Variants in DIPK1A observed in about 807,000 individuals in gnomAD.
DIPK1A encodes divergent protein kinase domain 1A.
A neutral mutation model predicts 40.8 loss-of-function variants in DIPK1A; 27 were observed. That is an observed-to-expected ratio of 0.66 (90% CI 0.49 to 0.91). The LOEUF (loss-of-function observed/expected upper bound fraction) is 0.91, where lower values mean the gene tolerates loss of function less well. DIPK1A is among the 40% of genes least tolerant of loss of function. The probability of loss-of-function intolerance (pLI) is 0.00; values close to 1 mark genes in which losing one functional copy is unlikely to be tolerated. For missense variants in DIPK1A, 412 were observed against 505.7 expected (o/e 0.81, Z 1.78); for synonymous variants, 166 against 171.3 (o/e 0.97, Z 0.24).
chr1:92,864,268 A>C (rs144251043), intron 2 of DIPK1A, among the ~76,000 whole-genome samples: 1 of 152,304 alleles, frequency 6.6e-6, no homozygotes, highest in East Asian at 1.9e-4. Flanking sequence ...AAATATCTTA[A>C]ATTTAGTATA....
intron 4 of DIPK1A, among the ~76,000 whole-genome samples, chr1:92,845,111 A>AT (rs1346643389): frequency 5.3e-4 from 80 of 149,674 alleles, no homozygotes; most frequent in Non-Finnish European, 9.4e-4. Context: ...CGCCCAGCTA[A>AT]TTTTTTTTTG....
chr1:92,836,207 C>T (rs1225844208), intron 4 of DIPK1A: 1 of 1,612,434 alleles, frequency 6.2e-7, no homozygotes, highest in Admixed American at 1.7e-5. Flanking sequence ...ATAGGTTTGG[C>T]ATGGACAAGA....
At chr1:92,874,035 T>G (rs995294710) in intron 2 of DIPK1A, among the ~76,000 whole-genome samples, 4 of 152,214 alleles carry the variant, frequency 2.6e-5, no homozygotes, top group African/African-American at 9.6e-5. Flanking sequence ...ATAACTATAA[T>G]TTTTTAAAAG....
chr1:92,850,979 T>C (rs1479298013), intron 2 of DIPK1A, 24 bp from the exon 3 acceptor site: 2 of 1,402,184 alleles, frequency 1.4e-6, no homozygotes, highest in Admixed American at 2.1e-5. Flanking sequence ...AATAAAAAAG[T>C]AGTTAATAGA....
chr1:92,911,373 G>A (rs1649818593), intron 1 of DIPK1A, among the ~76,000 whole-genome samples: 1 of 152,128 alleles, frequency 6.6e-6, no homozygotes, highest in South Asian at 2.1e-4. Flanking sequence ...GAATCTGCAG[G>A]TACCTTGTTC....
chr1:92,900,000 A>C (rs1649341110), intron 1 of DIPK1A, among the ~76,000 whole-genome samples: 1 of 151,992 alleles, frequency 6.6e-6, no homozygotes, highest in Non-Finnish European at 1.5e-5. Flanking sequence ...TGTTAGTCTA[A>C]TGAGGGTTCA....
rs1358758799 is a variant in DIPK1A, at chr1:92,951,556, A to AG, written c.54+9819dup. Reference sequence around the variant, plus strand: ...TCTAAGTTAACAAAACTCTGAGATCAGGGTACAAACAAATGGGCGTTGTTT... The same window carrying AG: ...TCTAAGTTAACAAAACTCTGAGATCAGGGGTACAAACAAATGGGCGTTGTTT... On this transcript the variant is annotated intron_variant, in intron 1 of 4. Transcript: ENST00000370310. Among the ~76,000 whole-genome samples the AG allele has an allele frequency of 3.9e-5, 6 of 152,326 alleles. No homozygotes were observed. The South Asian group carries it at 1.0e-3, about 26-fold the overall frequency.
intron 1 of DIPK1A, among the ~76,000 whole-genome samples, chr1:92,954,774 T>C (rs138367067): frequency 8.7e-4 from 132 of 152,024 alleles, no homozygotes; most frequent in Admixed American, 1.6e-3. Context: ...ATAAAAACAA[T>C]AAAATGTACC....
intron 1 of DIPK1A, among the ~76,000 whole-genome samples, chr1:92,921,459 C>T (rs987556051): frequency 3.3e-5 from 5 of 152,104 alleles, no homozygotes; most frequent in South Asian, 2.1e-4. Context: ...TATAAGGTAG[C>T]ATATATAGGC....
chr1:92,833,118 A>C (rs763520381), intron 4 of DIPK1A: 20 of 688,442 alleles, frequency 2.9e-5, no homozygotes, highest in Non-Finnish European at 4.8e-5. Context: ...GTTAAATGTA[A>C]TAAATTGGGG....
chr1:92,872,067 ATCTTTTTTT>A (rs1647892069), intron 2 of DIPK1A, among the ~76,000 whole-genome samples: 1 of 101,292 alleles, frequency 9.9e-6, no homozygotes, highest in Non-Finnish European at 2.1e-5. Flanking sequence ...TTTTCTTTAA[ATCTTTTTTT>A]TTTTTTTTTT....
Position 92,845,728 on chromosome 1 carries a change from C to T in DIPK1A, c.474+1455G>A, listed in dbSNP as rs563626912. 1.1e-3 allele frequency among the ~76,000 whole-genome samples: 163 copies of T among 151,456 alleles called. 1 individual carries two copies. Among genetic ancestry groups the T allele is most frequent in the African/African-American group, 3.6e-3 (148 of 41,230 alleles). ...GCGGGTGCCTGTAATCCCAGCTACT[C>T]GGGAGGCTGAGGCAGGAGAACTGCT... is the stretch of plus-strand genomic sequence containing the variant. On this transcript the variant is annotated intron_variant, in intron 4 of 4. Transcript: ENST00000370310.
chr1:92,866,128 G>A (rs1227937875), intron 2 of DIPK1A, among the ~76,000 whole-genome samples: 1 of 152,154 alleles, frequency 6.6e-6, no homozygotes, highest in Non-Finnish European at 1.5e-5. Context: ...TTGAGACAGA[G>A]TCTCTCACTG....
chr1:92,953,292 C>A (rs1045332932), intron 1 of DIPK1A, among the ~76,000 whole-genome samples: 6 of 149,132 alleles, frequency 4.0e-5, no homozygotes, highest in African/African-American at 1.5e-4. Flanking sequence ...AAATTGAAAC[C>A]CTTGTGTATT....
chr1:92,959,903 C>CTTTTTTTTTTTCTTTTTTTTTTTT (rs1651999473), intron 1 of DIPK1A, among the ~76,000 whole-genome samples: 1 of 47,892 alleles, frequency 2.1e-5, no homozygotes, highest in African/African-American at 1.1e-4. Flanking sequence ...ACCCAACCAA[C>CTTTTTTTTTTTCTTTTTTTTTTTT]TTTTTTTTTT....
chr1:92,916,958 C>T (rs538089299), intron 1 of DIPK1A, among the ~76,000 whole-genome samples: 52 of 152,276 alleles, frequency 3.4e-4, no homozygotes, highest in African/African-American at 1.2e-3. Context: ...TTCCAATACA[C>T]TAGAACAGCT....
intron 1 of DIPK1A, among the ~76,000 whole-genome samples, chr1:92,954,724 C>A (rs748923937): frequency 1.3e-5 from 2 of 152,030 alleles, no homozygotes; most frequent in Non-Finnish European, 2.9e-5. Flanking sequence ...TGGTATTTAA[C>A]AGGATGATAT....
chr1:92,924,986 A>C (rs1428252844), intron 1 of DIPK1A, among the ~76,000 whole-genome samples: 1 of 152,222 alleles, frequency 6.6e-6, no homozygotes, highest in Non-Finnish European at 1.5e-5. Context: ...ACTATCTTCT[A>C]ATTCCAGTTT....
chr1:92,835,078 A>G (rs1687064623), intron 4 of DIPK1A: 1 of 1,003,340 alleles, frequency 1.0e-6, no homozygotes, highest in South Asian at 1.4e-5. Flanking sequence ...AGCTCTTTCC[A>G]ATAAAATTTT....
Sources: allele counts gnomAD v4.1 joint callset (sites outside exome capture counted in the v4.1 genomes callset), GRCh38; gene constraint gnomAD v4.1.1; transcripts MANE v1.5; gene names NCBI Gene and HGNC (gene_info 2026-07-23, HGNC 2026-07-21).